The following COL11A2 variants were observed in gnomAD, a reference collection of about 807,000 sequenced individuals.
COL11A2 encodes the protein collagen type XI alpha 2 chain, also known as collagen alpha-2(XI) chain.
A neutral mutation model predicts 273.4 loss-of-function variants in COL11A2; 116 were observed. That is an observed-to-expected ratio of 0.42 (90% confidence interval 0.36 to 0.49). The LOEUF (loss-of-function observed/expected upper bound fraction) is 0.49, where lower values mean the gene tolerates loss of function less well. Ranked by LOEUF, COL11A2 falls within the 20% of genes least tolerant of loss-of-function variation. COL11A2 has a pLI of 0.00. For synonymous variants in COL11A2, 782 were observed against 864.2 expected (o/e 0.90, Z 1.67); for missense variants, 1,866 against 2,309.0 (o/e 0.81, Z 3.93).
At chr6:33,188,858 T>G in intron 3 of COL11A2, 120 bp downstream of exon 3, 1 of 1,143,820 alleles carries the variant, frequency 8.7e-7, no homozygotes, top group Non-Finnish European at 1.3e-6. Context: ...GTTTGGGCAG[T>G]GGGTAGGTGT....
chr6:33,193,308 G>A (rs1187781255), upstream of COL11A2, among the ~76,000 whole-genome samples: 2 of 151,914 alleles, frequency 1.3e-5, no homozygotes, highest in African/African-American at 2.4e-5. Flanking sequence ...GCAGCGAGCC[G>A]AGGCGCCGCC....
rs1478561873 is a variant in COL11A2 at position 33,167,781 on chromosome 6, G to A, written c.4014+18C>T. The A allele has an allele frequency of 6.2e-7, 1 of 1,612,648 alleles. No individual in the cohort carries two copies. Among genetic ancestry groups the A allele is most frequent in the Non-Finnish European group, 8.5e-7 (1 of 1,179,880 alleles). On this transcript the variant is annotated intron_variant, in intron 55 of 65. Transcript: ENST00000341947. This position sits in a 1 kb window ranked among gnomAD's most constrained non-coding sequence, Gnocchi z 6.1. ...AGGCGGAGGGGATGCTCCAGCACTAGGGCAGCCTGTCCCTCACCTTGGCTC... is the reference window on the plus strand; with the variant it reads ...AGGCGGAGGGGATGCTCCAGCACTAAGGCAGCCTGTCCCTCACCTTGGCTC...
intron 41 of COL11A2, 107 bp from the exon 42 acceptor site, chr6:33,171,927 G>A (rs377080058): frequency 6.5e-7 from 1 of 1,534,956 alleles, no homozygotes; most frequent in Admixed American, 1.7e-5. Context: ...ATGCATTCTG[G>A]CTGTCCCTGG....
At position 33,176,815 on chromosome 6, in the gene COL11A2, T is replaced by G; in HGVS notation, c.2071-50A>C. 6.3e-7 allele frequency: 1 copy of G among 1,594,968 alleles called. No individual in the cohort carries two copies. On this transcript the variant is annotated intron_variant, in intron 25 of 65. Transcript: ENST00000341947. The surrounding 1 kb of genome is among the most constrained non-coding windows in gnomAD (Gnocchi z 4.9). ...GACCAGTGGCCCCTGTCACCCTCTC[T>G]GCACCCCTCCCTACACTTCTTCCAA...
In COL11A2 at chr6:33,166,279, G is replaced by T; in HGVS notation, c.4393-73C>A. 6.5e-7 allele frequency: 1 copy of T among 1,545,210 alleles called. No homozygotes were observed. The highest frequency in any genetic ancestry group is 8.8e-7 in the Non-Finnish European group (1 of 1,141,104). On this transcript the variant is annotated intron_variant, in intron 60 of 65. Transcript: ENST00000341947. The surrounding 1 kb of genome is among the most constrained non-coding windows in gnomAD (Gnocchi z 4.8). The stretch of plus-strand genomic sequence containing the variant: ...AGGACTCAGAGGAGCGGGGAGGCAA[G>T]GTCCCAAGTCCACAGGAGCCTCGGG...
At chr6:33,184,714 A>C (rs1191887306) in intron 7 of COL11A2, among the ~76,000 whole-genome samples, 1 of 152,196 alleles carries the variant, frequency 6.6e-6, no homozygotes, top group Non-Finnish European at 1.5e-5. Flanking sequence ...AATAGGACAT[A>C]GAAAGTAAGA....
upstream of COL11A2, among the ~76,000 whole-genome samples, chr6:33,193,040 A>G (rs1773342058): frequency 6.6e-6 from 1 of 152,112 alleles, no homozygotes; most frequent in Admixed American, 6.5e-5. Context: ...AACACAGGAT[A>G]GTCAGGTCCA....
At position 33,179,323 on chromosome 6, in the gene COL11A2, C is replaced by T. The variant is rs1465022461; in HGVS notation, c.1504-39G>A. On this transcript the variant is annotated intron_variant, in intron 14 of 65. Coordinates refer to ENST00000341947, the MANE Select transcript of COL11A2 (RefSeq NM_080680.3). This position sits in a 1 kb window ranked among gnomAD's most constrained non-coding sequence, Gnocchi z 6.4. The stretch of plus-strand genomic sequence containing the variant: ...GAGAGGATGGCCGTAAGGAAGGACA[C>T]AGCCAACAGTGGCCTCGGAGTGTTC... The T allele has an allele frequency of 6.3e-7, 1 of 1,598,892 alleles. No homozygotes were observed.
rs1200104146 is a variant in COL11A2, at chr6:33,164,018, G to A, written c.5071-200C>T. On this transcript the variant is annotated intron_variant, in intron 65 of 65. Transcript: ENST00000341947. The surrounding 1 kb of genome is among the most constrained non-coding windows in gnomAD (Gnocchi z 4.7). ...GTGTGCCTCTGCTGGGCAGCCATGT[G>A]CCAGTCTGTGTACACGTCTGCATTA... Among the ~76,000 whole-genome samples, 4 of 152,152 alleles carry A rather than the reference G, an allele frequency of 2.6e-5. No homozygotes were observed. Among genetic ancestry groups the A allele is most frequent in the African/African-American group, 9.7e-5 (4 of 41,420 alleles).
At chr6:33,175,886 G>T in intron 29 of COL11A2, 130 bp downstream of exon 29, 1 of 1,234,764 alleles carries the variant, frequency 8.1e-7, no homozygotes, top group Non-Finnish European at 1.2e-6. Flanking sequence ...GTAGGGGTCA[G>T]GCTCCCAAGG....
chr6:33,180,576 C>T, intron 11 of COL11A2, 92 bp downstream of exon 11: 1 of 1,254,332 alleles, frequency 8.0e-7, no homozygotes, highest in Non-Finnish European at 1.1e-6. Flanking sequence ...TAACAAGCCA[C>T]CTAACAGGAA....
Position 33,173,149 on chromosome 6 carries a change from G to C in COL11A2, c.2737-36C>G, listed in dbSNP as rs1188963016. 13 of 1,599,934 alleles carry C rather than the reference G, an allele frequency of 8.1e-6. No homozygotes were observed. Among genetic ancestry groups the C allele is most frequent in the Non-Finnish European group, 1.1e-5 (13 of 1,173,086 alleles). The stretch of plus-strand genomic sequence containing the variant: ...AAGAGAGGAGAATGCAGTGAAAGCA[G>C]GTGTGGGCGCTGTGGGGCAGATTCC... On this transcript the variant is annotated intron_variant, in intron 37 of 65. Transcript: ENST00000341947. This position sits in a 1 kb window ranked among gnomAD's most constrained non-coding sequence, Gnocchi z 6.3.
intron 41 of COL11A2, 109 bp downstream of exon 41, chr6:33,171,941 G>T: frequency 1.3e-6 from 2 of 1,537,864 alleles, no homozygotes; most frequent in Non-Finnish European, 1.8e-6. Context: ...TCCCTGGACA[G>T]CCTCTGCCCA....
chr6:33,173,827 G>C lies in COL11A2; in HGVS notation c.2583+46C>G. 6.2e-7 allele frequency: 1 copy of C among 1,612,718 alleles called. No homozygotes were observed. Among genetic ancestry groups the C allele is most frequent in the Non-Finnish European group, 8.5e-7 (1 of 1,178,776 alleles). On this transcript the variant is annotated intron_variant, in intron 34 of 65. Coordinates refer to ENST00000341947, the MANE Select transcript of COL11A2 (RefSeq NM_080680.3). This position sits in a 1 kb window ranked among gnomAD's most constrained non-coding sequence, Gnocchi z 6.3. ...GGTCAGGATGTTGAGGGAGAGCTGGGGCTGAGTGGGCAGGGGGCAGTTGGA... is the reference window on the plus strand; with the variant it reads ...GGTCAGGATGTTGAGGGAGAGCTGGCGCTGAGTGGGCAGGGGGCAGTTGGA...
Position 33,167,469 on chromosome 6 carries a change from C to T in COL11A2, c.4079G>A (p.Gly1360Glu). The T allele has an allele frequency of 6.2e-7, 1 of 1,612,872 alleles. No individual in the cohort carries two copies. The highest frequency in any genetic ancestry group is 8.5e-7 in the Non-Finnish European group (1 of 1,180,008). Residue 1360 changes from glycine (G) to glutamate (E), a missense_variant, in exon 56 of 66, where the codon GGG (glycine) becomes GAG (glutamate). Transcript: ENST00000341947. This position sits in a 1 kb window ranked among gnomAD's most constrained non-coding sequence, Gnocchi z 6.1. ...TGPVGPAGPA[G>E]KPGPDGLRGL... Reference sequence around the variant, plus strand: ...CCTCAGACCATCAGGGCCAGGTTTCCCTGCTGGGCCTGCAGGACCCACCGG... The same window carrying T: ...CCTCAGACCATCAGGGCCAGGTTTCTCTGCTGGGCCTGCAGGACCCACCGG...
rs751886553 is a variant in COL11A2, at chr6:33,173,418, T to C, written c.2683-17A>G. On this transcript the variant is annotated splice_polypyrimidine_tract_variant and intron_variant, in intron 36 of 65. Transcript: ENST00000341947. This position sits in a 1 kb window ranked among gnomAD's most constrained non-coding sequence, Gnocchi z 6.3. ...AGGGGGGCCCTGGAAGGGGTTCAGT[T>C]GTCAGGTGAACTCTCAGCTGGAAAG... 7 of 1,612,882 alleles carry C rather than the reference T, an allele frequency of 4.3e-6. No individual in the cohort carries two copies. The South Asian group carries it at 6.6e-5, about 15-fold the overall frequency.
rs1773203821 is a variant in COL11A2 at position 33,192,192 on chromosome 6, C to G, written c.49G>C (p.Val17Leu). Reference protein sequence around the residue: ...CHRLLLLLPLVLGLSAAPGWA... With the variant: ...CHRLLLLLPLLLGLSAAPGWA... ...CCTGGGGCCGCGCTCAGCCCCAGCA[C>G]CAGAGGTAGGAGGAGGAGGAGGCGA... Residue 17 changes from valine to leucine, a missense_variant, in exon 1 of 66, where the codon GTG (valine) becomes CTG (leucine). Val to Leu is a conservative substitution (Grantham distance 32, BLOSUM62 1). Coordinates refer to ENST00000341947, the MANE Select transcript of COL11A2 (RefSeq NM_080680.3). 1 of 1,566,786 alleles carries G rather than the reference C, an allele frequency of 6.4e-7. No homozygotes were observed. The highest frequency in any genetic ancestry group is 8.7e-7 in the Non-Finnish European group (1 of 1,155,736).
At position 33,163,764 on chromosome 6, in the gene COL11A2, G is replaced by A. The variant is rs1184038252; in HGVS notation, c.5125C>T (p.Pro1709Ser). The A allele has an allele frequency of 1.9e-6, 3 of 1,613,078 alleles. No homozygotes were observed. The highest frequency in any genetic ancestry group is 2.5e-6 in the Non-Finnish European group (3 of 1,180,022). ...EVRTPVLEQL[P>S]VLDASFSDLG... is the part of the protein sequence containing the mutation. ...TCTGAGAAGGAGGCATCCAGCACTG[G>A]CAGCTGCTCCAGCACAGGCGTTCGC... The change falls in exon 66 of 66, where the codon CCA becomes TCA. Residue 1709 changes from proline to serine, a missense_variant. Coordinates refer to ENST00000341947, the MANE Select transcript of COL11A2 (RefSeq NM_080680.3). The surrounding 1 kb of genome is among the most constrained non-coding windows in gnomAD (Gnocchi z 4.1).
chr6:33,179,937 A>G lies in COL11A2; in HGVS notation c.1360-132T>C. On this transcript the variant is annotated intron_variant, in intron 12 of 65. Transcript: ENST00000341947. The surrounding 1 kb of genome is among the most constrained non-coding windows in gnomAD (Gnocchi z 6.4). ...ATCCAGCATTTCCCATGGCTTCCAG[A>G]TAATCACTTAGAGGATTCCAGAAAC... 3 of 854,656 alleles carry G rather than the reference A, an allele frequency of 3.5e-6. No homozygotes were observed. Among genetic ancestry groups the G allele is most frequent in the Non-Finnish European group, 5.8e-6 (3 of 519,114 alleles). 52.9% of individuals were successfully genotyped at this position (854,656 alleles called of 1,614,324 possible).
Sources: allele counts gnomAD v4.1 joint callset (sites outside exome capture counted in the v4.1 genomes callset), GRCh38; gene constraint gnomAD v4.1.1; non-coding constraint Gnocchi (gnomAD v3.1); transcripts MANE v1.5; gene names NCBI Gene and HGNC (gene_info 2026-07-23, HGNC 2026-07-21).